The following ARHGAP42 variants were observed in gnomAD, a reference collection of about 807,000 sequenced individuals.
ARHGAP42 encodes rho GTPase-activating protein 42.
A neutral mutation model predicts 125.0 loss-of-function variants in ARHGAP42; 63 were observed. The observed-to-expected ratio is 0.50, with a 90% CI of 0.41 to 0.62. The LOEUF (loss-of-function observed/expected upper bound fraction) is 0.62. Ranked by LOEUF, ARHGAP42 falls within the 20% of genes least tolerant of loss-of-function variation. The pLI, the probability that ARHGAP42 is intolerant of heterozygous loss-of-function variation, is 0.00. For synonymous variants in ARHGAP42, 339 were observed against 351.0 expected (o/e 0.97, Z 0.38); for missense variants, 766 against 1,024.2 (o/e 0.75, Z 3.44).
chr11:100,884,730 T>C (rs951809260), intron 4 of ARHGAP42, among the ~76,000 whole-genome samples: 1 of 152,196 alleles, frequency 6.6e-6, no homozygotes, highest in Non-Finnish European at 1.5e-5. Context: ...TCAATTCTTT[T>C]ATTTCTTTAT....
chr11:100,968,222 GGATCTTACTGTTTTTTAATTCACTTT>G (rs1431007269), intron 17 of ARHGAP42, among the ~76,000 whole-genome samples: 4 of 152,038 alleles, frequency 2.6e-5, no homozygotes, highest in Admixed American at 2.0e-4. Flanking sequence ...GCATATAGTT[GGATCTTACTGTTTTTTAATTCACTTT>G]GATAATCTCT....
chr11:100,788,302 A>C (rs1188282199), intron 2 of ARHGAP42, among the ~76,000 whole-genome samples: 1 of 152,204 alleles, frequency 6.6e-6, no homozygotes, highest in Admixed American at 6.5e-5. Flanking sequence ...GCAATTAAAA[A>C]GCAAAATCTG....
At chr11:100,869,405 C>CTTT (rs59868766) in intron 4 of ARHGAP42, among the ~76,000 whole-genome samples, 1 of 146,920 alleles carries the variant, frequency 6.8e-6, no homozygotes, top group Non-Finnish European at 1.5e-5. Context: ...AATCTTTCCT[C>CTTT]TTTTTTTTTT....
intron 3 of ARHGAP42, among the ~76,000 whole-genome samples, chr11:100,810,458 C>T (rs2135058303): frequency 6.6e-6 from 1 of 152,202 alleles, no homozygotes; most frequent in South Asian, 2.1e-4. Context: ...AAAACCTTAC[C>T]TTTTTTACAT....
In ARHGAP42 at chr11:100,799,089, C is replaced by T. The variant is rs574986617; in HGVS notation, c.312+3923C>T. Among the ~76,000 whole-genome samples the T allele has an allele frequency of 3.9e-5, 6 of 152,342 alleles. No individual in the cohort carries two copies. The East Asian group carries it at 9.7e-4, about 25-fold the overall frequency. On this transcript the variant is annotated intron_variant, in intron 3 of 23. Transcript: ENST00000298815. ...GGTCATATGCAGGGTTACAGGGCTA[C>T]ACCTAGAAGTTTTTGTGTTTGTTAT... is the stretch of plus-strand genomic sequence containing the variant.
chr11:100,782,498 T>G (rs1171308765), intron 2 of ARHGAP42, among the ~76,000 whole-genome samples: 1 of 152,134 alleles, frequency 6.6e-6, no homozygotes, highest in Non-Finnish European at 1.5e-5. Flanking sequence ...TGGAACTAAT[T>G]GGCAAAAAAG....
intron 3 of ARHGAP42, among the ~76,000 whole-genome samples, chr11:100,849,130 T>C (rs913865991): frequency 6.6e-6 from 1 of 152,218 alleles, no homozygotes; most frequent in Non-Finnish European, 1.5e-5. Flanking sequence ...GTATTTTCTG[T>C]TGGAACATGC....
chr11:100,889,832 T>C (rs1866176903), intron 4 of ARHGAP42, among the ~76,000 whole-genome samples: 1 of 152,198 alleles, frequency 6.6e-6, no homozygotes, highest in Non-Finnish European at 1.5e-5. Flanking sequence ...GGTTTTCTTA[T>C]ATCCTTAACT....
chr11:100,803,312 A>T (rs1429916504), intron 3 of ARHGAP42, among the ~76,000 whole-genome samples: 7 of 151,826 alleles, frequency 4.6e-5, no homozygotes, highest in Non-Finnish European at 8.8e-5. Context: ...TCAGGGGAGG[A>T]GCTGGGGCTG....
At chr11:100,825,674 T>C (rs1864500307) in intron 3 of ARHGAP42, among the ~76,000 whole-genome samples, 2 of 152,162 alleles carry the variant, frequency 1.3e-5, no homozygotes, top group Non-Finnish European at 2.9e-5. Flanking sequence ...CTGTAGTGTA[T>C]ATTTTACGCA....
intron 1 of ARHGAP42, among the ~76,000 whole-genome samples, chr11:100,765,440 C>A (rs937666411): frequency 3.9e-5 from 6 of 152,102 alleles, no homozygotes; most frequent in African/African-American, 7.2e-5. Flanking sequence ...GCTTGTGTGA[C>A]CTTGGGGAAG....
At chr11:100,921,982 G>T (rs909567703) in intron 6 of ARHGAP42, among the ~76,000 whole-genome samples, 10 of 149,550 alleles carry the variant, frequency 6.7e-5, no homozygotes, top group Non-Finnish European at 1.0e-4. Flanking sequence ...CGGGAGGGGG[G>T]TGCAGAGGTG....
chr11:100,825,715 A>G (rs187938751), intron 3 of ARHGAP42, among the ~76,000 whole-genome samples: 3 of 151,780 alleles, frequency 2.0e-5, no homozygotes, highest in Non-Finnish European at 4.4e-5. Context: ...TCAAAGTGTC[A>G]CTCCCAGGTT....
At chr11:100,733,825 G>GA (rs551074447) in intron 1 of ARHGAP42, among the ~76,000 whole-genome samples, 983 of 31,356 alleles carry the variant, frequency 0.031, 236 homozygotes, top group African/African-American at 0.1. Context: ...ATTCTGTCTG[G>GA]AAAAAAAAAA....
chr11:100,740,252 G>T (rs1341753109), intron 1 of ARHGAP42, among the ~76,000 whole-genome samples: 1 of 150,600 alleles, frequency 6.6e-6, no homozygotes, highest in Non-Finnish European at 1.5e-5. Flanking sequence ...TCATGCTATG[G>T]CCTCTCCCTT....
intron 7 of ARHGAP42, 120 bp from the exon 8 acceptor site, chr11:100,936,083 T>C (rs540104604): frequency 3.2e-6 from 4 of 1,254,614 alleles, no homozygotes; most frequent in Middle Eastern, 5.6e-4. Flanking sequence ...TAATTGCACC[T>C]GGTTGACAGA....
In ARHGAP42 at chr11:100,713,079, T is replaced by C. The variant is rs116402638; in HGVS notation, c.154+25247T>C. ...TGGACAAATTAATTATACCAGGTGTTCCCATTAAGACATAACTAGTATTAA... is the reference window on the plus strand; with the variant it reads ...TGGACAAATTAATTATACCAGGTGTCCCCATTAAGACATAACTAGTATTAA... On this transcript the variant is annotated intron_variant, in intron 1 of 23. Transcript: ENST00000298815. Among the ~76,000 whole-genome samples, 362 of 152,312 alleles carry C rather than the reference T, an allele frequency of 2.4e-3. 1 individual carries two copies. The highest frequency in any genetic ancestry group is 8.4e-3 in the African/African-American group (348 of 41,574).
chr11:100,727,642 T>A (rs1044218930), intron 1 of ARHGAP42, among the ~76,000 whole-genome samples: 5 of 152,198 alleles, frequency 3.3e-5, no homozygotes, highest in Admixed American at 3.3e-4. Context: ...GCTTCCGGGT[T>A]GCTGAGCACA....
At chr11:100,958,541 A>G (rs895962800) in intron 12 of ARHGAP42, among the ~76,000 whole-genome samples, 2 of 152,018 alleles carry the variant, frequency 1.3e-5, no homozygotes, top group African/African-American at 4.8e-5. Context: ...ACATATATAT[A>G]CACACATATA....
Sources: allele counts gnomAD v4.1 joint callset (sites outside exome capture counted in the v4.1 genomes callset), GRCh38; gene constraint gnomAD v4.1.1; transcripts MANE v1.5; gene names NCBI Gene and HGNC (gene_info 2026-07-23, HGNC 2026-07-21).